DNM1: variants seen among roughly 807,000 people sequenced by gnomAD.
DNM1 encodes the protein dynamin-1.
In DNM1, 29 loss-of-function variants were observed where a neutral mutation model predicts 104.6. The ratio of observed to expected loss-of-function variants is 0.28; its 90% CI spans 0.21 to 0.38. The LOEUF is 0.38. Among genes scored for constraint, DNM1 ranks in the 10% least tolerant of loss-of-function variants. The probability of loss-of-function intolerance (pLI) is 1.00; values close to 1 mark genes in which losing one functional copy is unlikely to be tolerated. For missense variants in DNM1, 640 were observed against 1,189.4 expected (o/e 0.54, Z 6.79); for synonymous variants, 445 against 475.8 (o/e 0.94, Z 0.84).
At chr9:128,234,785 C>T (rs1835909815) in intron 11 of DNM1, 1 of 152,244 alleles carries the variant, frequency 6.6e-6, no homozygotes, top group East Asian at 2.0e-4. Flanking sequence ...ATGTTTCTGT[C>T]TCTATGAATT....
chr9:128,213,613 G>A (rs537822381), intron 1 of DNM1, among the ~76,000 whole-genome samples: 4 of 152,272 alleles, frequency 2.6e-5, no homozygotes, highest in Admixed American at 1.3e-4. Flanking sequence ...CCGGACTCAG[G>A]AGCCCTACCT....
intron 1 of DNM1, among the ~76,000 whole-genome samples, chr9:128,211,218 G>A (rs73672441): frequency 0.17 from 25,609 of 152,056 alleles, 3,730 homozygotes; most frequent in African/African-American, 0.4. Flanking sequence ...TTCCCCGCCC[G>A]ACAGCATGAA....
In DNM1 at chr9:128,254,208, C is replaced by T; in HGVS notation, c.2535-446C>T. On this transcript the variant is annotated intron_variant, in intron 21 of 21. Transcript: ENST00000372923. The surrounding 1 kb of genome is among the most constrained non-coding windows in gnomAD (Gnocchi z 6.1). ...CTCCAGCCATCCCTTTTAGTTTCAC[C>T]CTCCTGGTTCAAGCAGTGTTCTTTC... The T allele has an allele frequency of 2.3e-6, 3 of 1,329,554 alleles. No individual in the cohort carries two copies. Among genetic ancestry groups the T allele is most frequent in the Non-Finnish European group, 1.9e-6 (2 of 1,048,138 alleles). The allele number at this position is 1,329,554 out of a possible 1,614,324, so 82.4% of individuals were successfully genotyped here. A position where few individuals can be genotyped will look rare whatever the true frequency, so the allele number is the denominator to read the frequency against.
intron 14 of DNM1, 93 bp from the exon 15 acceptor site, chr9:128,242,139 G>C (rs764261123): frequency 1.4e-6 from 1 of 740,368 alleles, no homozygotes; most frequent in Non-Finnish European, 2.4e-6. Context: ...GCTGGGAGAG[G>C]GGTGGGGTTT....
In DNM1 at chr9:128,222,968, T is replaced by G; in HGVS notation, c.1196+108T>G. The G allele has an allele frequency of 1.1e-5, 12 of 1,111,232 alleles. No individual in the cohort carries two copies. Among genetic ancestry groups the G allele is most frequent in the South Asian group, 2.6e-5 (2 of 75,754 alleles). 68.8% of individuals were successfully genotyped at this position (1,111,232 alleles called of 1,614,324 possible). On this transcript the variant is annotated intron_variant, in intron 9 of 21. Transcript: ENST00000372923. This position sits in a 1 kb window ranked among gnomAD's most constrained non-coding sequence, Gnocchi z 7.8. ...CTCCCTCAGGAAGGACTGAAAGCTC[T>G]GTTCCCCAGTCCTCTCGACCCCAAC...
At position 128,254,507 on chromosome 9, in the gene DNM1, G is replaced by T; in HGVS notation, c.2535-147G>T. ...TTCCAGCCCCTTTTCCAGGAACCTT[G>T]CCACACCCACACCTGCAGCCTCCCC... On this transcript the variant is annotated intron_variant, in intron 21 of 21. Coordinates refer to ENST00000372923, the MANE Select transcript of DNM1 (RefSeq NM_004408.4). The surrounding 1 kb of genome is among the most constrained non-coding windows in gnomAD (Gnocchi z 6.1). 1 of 1,524,954 alleles carries T rather than the reference G, an allele frequency of 6.6e-7. No individual in the cohort carries two copies. Among genetic ancestry groups the T allele is most frequent in the Non-Finnish European group, 8.7e-7 (1 of 1,145,096 alleles). 94.5% of individuals were successfully genotyped at this position (1,524,954 alleles called of 1,614,324 possible). A position where few individuals can be genotyped will look rare whatever the true frequency, so the allele number is the denominator to read the frequency against.
chr9:128,203,442 G>C lies in DNM1; in HGVS notation c.-29G>C, dbSNP rs1833609288. ...GAGCCGGGAGCGCTAGCGGCAGCCG[G>C]ATCGCAGCCTGCGGGGCCCGCCGCA... On this transcript the variant is annotated 5_prime_UTR_variant, in exon 1 of 22. Transcript: ENST00000372923. This position sits in a 1 kb window ranked among gnomAD's most constrained non-coding sequence, Gnocchi z 5.3. 6.9e-7 allele frequency: 1 copy of C among 1,444,164 alleles called. No homozygotes were observed. Among genetic ancestry groups the C allele is most frequent in the Non-Finnish European group, 9.1e-7 (1 of 1,095,224 alleles). 89.5% of individuals were successfully genotyped at this position (1,444,164 alleles called of 1,614,324 possible).
Position 128,218,636 on chromosome 9 carries a change from T to C in DNM1, c.290T>C (p.Val97Ala), listed in dbSNP as rs1834755572. Reference sequence around the variant, plus strand: ...AAGAAATTCACCGACTTCGAGGAGGTGCGCCTTGAGATCGAGGCCGAGACC... The same window carrying C: ...AAGAAATTCACCGACTTCGAGGAGGCGCGCCTTGAGATCGAGGCCGAGACC... ...KGKKFTDFEE[V>A]RLEIEAETDR... The change falls in exon 3 of 22, where the codon GTG becomes GCG. Residue 97 changes from valine to alanine, a missense_variant. Physicochemically the swap from Val to Ala is moderately conservative, Grantham distance 64. Transcript: ENST00000372923. This position sits in a 1 kb window ranked among gnomAD's most constrained non-coding sequence, Gnocchi z 4.8. 1 of 1,613,274 alleles carries C rather than the reference T, an allele frequency of 6.2e-7. No homozygotes were observed. The highest frequency in any genetic ancestry group is 1.3e-5 in the African/African-American group (1 of 74,794).
At position 128,245,199 on chromosome 9, in the gene DNM1, C is replaced by G. The variant is rs1244708902; in HGVS notation, c.1672-1195C>G. Among the ~76,000 whole-genome samples, 4 of 151,986 alleles carry G rather than the reference C, an allele frequency of 2.6e-5. No homozygotes were observed. Among genetic ancestry groups the G allele is most frequent in the Non-Finnish European group, 5.9e-5 (4 of 67,938 alleles). On this transcript the variant is annotated intron_variant, in intron 15 of 21. Transcript: ENST00000372923. The surrounding 1 kb of genome is among the most constrained non-coding windows in gnomAD (Gnocchi z 5.2). ...CCTCCTCTCCTCCCCCAGCCGCCCT[C>G]TGGGGCTCCCGGCCACCCGCCTGGC...
At chr9:128,205,510 C>T (rs1833885222) in intron 1 of DNM1, among the ~76,000 whole-genome samples, 1 of 152,236 alleles carries the variant, frequency 6.6e-6, no homozygotes, top group Non-Finnish European at 1.5e-5. Context: ...AGGGCAGCAG[C>T]TGTTAGACTC....
In DNM1 at chr9:128,248,197, C is replaced by T. The variant is rs1403545107; in HGVS notation, c.1905+262C>T. The T allele has an allele frequency of 2.4e-5, 13 of 537,368 alleles. No homozygotes were observed. Among genetic ancestry groups the T allele is most frequent in the East Asian group, 1.0e-4 (3 of 29,652 alleles). 33.3% of individuals were successfully genotyped at this position (537,368 alleles called of 1,614,324 possible). Reference sequence around the variant, plus strand: ...CAAAAATTAGCCAGGCATGGTGGTGCGCGCCTGTAATCCCAGCTACTCAGG... The same window carrying T: ...CAAAAATTAGCCAGGCATGGTGGTGTGCGCCTGTAATCCCAGCTACTCAGG... On this transcript the variant is annotated intron_variant, in intron 18 of 21. Coordinates refer to ENST00000372923, the MANE Select transcript of DNM1 (RefSeq NM_004408.4). The surrounding 1 kb of genome is among the most constrained non-coding windows in gnomAD (Gnocchi z 5.6).
At position 128,240,476 on chromosome 9, in the gene DNM1, T is replaced by C. The variant is rs1836296290; in HGVS notation, c.1557+480T>C. 2 of 160,284 alleles carry C rather than the reference T, an allele frequency of 1.2e-5. No individual in the cohort carries two copies. Among genetic ancestry groups the C allele is most frequent in the Admixed American group, 1.3e-4 (2 of 15,822 alleles). The allele number at this position is 160,284 out of a possible 1,614,324, so 9.9% of individuals were successfully genotyped here. On this transcript the variant is annotated intron_variant, in intron 14 of 21. Transcript: ENST00000372923. This position sits in a 1 kb window ranked among gnomAD's most constrained non-coding sequence, Gnocchi z 5.1. ...AGAAGCGCTTGCTCAGTTGTACACATGAGCCCGAGGGTCCTCAGCTTTTCT... is the reference window on the plus strand; with the variant it reads ...AGAAGCGCTTGCTCAGTTGTACACACGAGCCCGAGGGTCCTCAGCTTTTCT...
chr9:128,232,046 G>A (rs1481301004), intron 10 of DNM1: 1 of 456,584 alleles, frequency 2.2e-6, no homozygotes, highest in Admixed American at 2.3e-5. Context: ...GCTCAAAGGG[G>A]ACAGAACTTC....
rs941031903 is a variant in DNM1 at position 128,234,653 on chromosome 9, C to A, written c.1422+546C>A. Among the ~76,000 whole-genome samples, 6 of 151,894 alleles carry A rather than the reference C, an allele frequency of 4.0e-5. No homozygotes were observed. In the East Asian group the frequency reaches 1.2e-3, roughly 29 times the overall value. The stretch of plus-strand genomic sequence containing the variant: ...CCTCCCAAAGTGCTGGGATTACAGG[C>A]GTGAGCCACCGCGCCTGGCCCACAG... On this transcript the variant is annotated intron_variant, in intron 11 of 21. Coordinates refer to ENST00000372923, the MANE Select transcript of DNM1 (RefSeq NM_004408.4).
chr9:128,224,447 A>G lies in DNM1; in HGVS notation c.1335+58A>G, dbSNP rs1335218117. On this transcript the variant is annotated intron_variant, in intron 10 of 21. Transcript: ENST00000372923. This position sits in a 1 kb window ranked among gnomAD's most constrained non-coding sequence, Gnocchi z 4.3. ...CTCTGCCCCGCCCTGCACTGCTGCC[A>G]GGCGCTCCTTCCCCATGTCCCCCCC... 2 of 1,529,912 alleles carry G rather than the reference A, an allele frequency of 1.3e-6. No individual in the cohort carries two copies. The highest frequency in any genetic ancestry group is 8.9e-7 in the Non-Finnish European group (1 of 1,125,100). The allele number at this position is 1,529,912 out of a possible 1,614,324, so 94.8% of individuals were successfully genotyped here. A position where few individuals can be genotyped will look rare whatever the true frequency, so the allele number is the denominator to read the frequency against.
chr9:128,221,035 T>C (rs1834984835), intron 6 of DNM1: 1 of 139,044 alleles, frequency 7.2e-6, no homozygotes. Context: ...CTTTCTTTCT[T>C]TCTCTCTTTC....
At position 128,240,137 on chromosome 9, in the gene DNM1, C is replaced by A; in HGVS notation, c.1557+141C>A. On this transcript the variant is annotated intron_variant, in intron 14 of 21. Transcript: ENST00000372923. This position sits in a 1 kb window ranked among gnomAD's most constrained non-coding sequence, Gnocchi z 5.1. The stretch of plus-strand genomic sequence containing the variant: ...CCAGCCCCTGGCATTTCACACCTGC[C>A]CTCAGGCCAGAGGCAGGCCCAGCCG... 9.8e-7 allele frequency: 1 copy of A among 1,017,986 alleles called. No homozygotes were observed. Among genetic ancestry groups the A allele is most frequent in the Non-Finnish European group, 1.5e-6 (1 of 655,340 alleles). The allele number at this position is 1,017,986 out of a possible 1,614,324, so 63.1% of individuals were successfully genotyped here.
chr9:128,231,950 G>C (rs1835717895), intron 10 of DNM1: 2 of 455,222 alleles, frequency 4.4e-6, no homozygotes. Flanking sequence ...CGCCCCCTCA[G>C]CCAAGGGCTG....
rs907074184 is a variant in DNM1 at position 128,248,156 on chromosome 9, A to G, written c.1905+221A>G. ...AGCCTGGCCAACACGGTGAAACCCC[A>G]CCTCTACTAAAAATACAAAAATTAG... On this transcript the variant is annotated intron_variant, in intron 18 of 21. Coordinates refer to ENST00000372923, the MANE Select transcript of DNM1 (RefSeq NM_004408.4). This position sits in a 1 kb window ranked among gnomAD's most constrained non-coding sequence, Gnocchi z 5.6. 1.5e-5 allele frequency: 9 copies of G among 592,046 alleles called. No homozygotes were observed. In the African/African-American group the frequency reaches 1.7e-4, roughly 11 times the overall value. The allele number at this position is 592,046 out of a possible 1,614,324, so 36.7% of individuals were successfully genotyped here.
Sources: gnomAD v4.1 joint callset for allele counts (sites outside exome capture counted in the v4.1 genomes callset) on GRCh38, gnomAD v4.1.1 for gene constraint, Gnocchi (gnomAD v3.1) non-coding constraint, MANE v1.5 for transcripts, NCBI Gene and HGNC (gene_info 2026-07-23, HGNC 2026-07-21) for gene names.